Variants in ASAP1 observed in about 807,000 individuals in gnomAD.
The protein encoded by ASAP1 is arf-GAP with SH3 domain, ANK repeat and PH domain-containing protein 1.
A neutral mutation model predicts 145.2 loss-of-function variants in ASAP1; 43 were observed. The observed-to-expected ratio is 0.30, with a 90% CI of 0.23 to 0.38. The LOEUF is 0.38. ASAP1 is among the 10% of genes least tolerant of loss of function. The pLI, the probability that ASAP1 is intolerant of heterozygous loss-of-function variation, is 1.00. For missense variants in ASAP1, 1,018 were observed against 1,355.3 expected (o/e 0.75, Z 3.91); for synonymous variants, 546 against 515.5 (o/e 1.06, Z -0.80).
chr8:130,133,483 C>T (rs573365847), intron 15 of ASAP1, among the ~76,000 whole-genome samples: 3 of 151,054 alleles, frequency 2.0e-5, no homozygotes, highest in Non-Finnish European at 4.4e-5. Flanking sequence ...GGTGAAACCC[C>T]GTCTCTACTA....
chr8:130,059,334 ATT>A (rs2097412334), intron 28 of ASAP1, among the ~76,000 whole-genome samples: 1 of 151,920 alleles, frequency 6.6e-6, no homozygotes, highest in African/African-American at 2.4e-5. Flanking sequence ...CAGCTAATTA[ATT>A]TTTATTTTTT....
At chr8:130,385,480 C>G (rs889406903) in intron 2 of ASAP1, among the ~76,000 whole-genome samples, 1 of 152,214 alleles carries the variant, frequency 6.6e-6, no homozygotes, top group African/African-American at 2.4e-5. Context: ...GCTAGAGATT[C>G]CTTTCCCAAT....
At chr8:130,280,655 C>A (rs1165391108) in intron 3 of ASAP1, among the ~76,000 whole-genome samples, 3 of 152,214 alleles carry the variant, frequency 2.0e-5, no homozygotes, top group Non-Finnish European at 4.4e-5. Context: ...TGCTCATCAG[C>A]GATTCTATTA....
At chr8:130,426,747 C>T (rs1829934049) in intron 1 of ASAP1, among the ~76,000 whole-genome samples, 1 of 152,204 alleles carries the variant, frequency 6.6e-6, no homozygotes, top group South Asian at 2.1e-4. Context: ...GTGTCACATT[C>T]TCAGGGAAAG....
chr8:130,092,485 GGT>G, intron 24 of ASAP1, among the ~76,000 whole-genome samples: 1 of 152,236 alleles, frequency 6.6e-6, no homozygotes, highest in African/African-American at 2.4e-5. Flanking sequence ...AAATTAGCCA[GGT>G]GTGGTGGTGT....
intron 2 of ASAP1, among the ~76,000 whole-genome samples, chr8:130,392,841 G>A (rs116581317): frequency 0.017 from 2,619 of 152,088 alleles, 73 homozygotes; most frequent in African/African-American, 0.057. Flanking sequence ...CAGTTGTCAC[G>A]GGAACTAACA....
At chr8:130,391,089 G>A (rs1044778395) in intron 2 of ASAP1, among the ~76,000 whole-genome samples, 1 of 152,106 alleles carries the variant, frequency 6.6e-6, no homozygotes, top group African/African-American at 2.4e-5. Context: ...ACAATGGAAT[G>A]TTATTTAGCC....
At chr8:130,123,247 GTTAAT>G (rs1382197704) in intron 18 of ASAP1, among the ~76,000 whole-genome samples, 1 of 152,116 alleles carries the variant, frequency 6.6e-6, no homozygotes, top group African/African-American at 2.4e-5. Context: ...GGTAAATATG[GTTAAT>G]TTGTTTTTCA....
intron 3 of ASAP1, among the ~76,000 whole-genome samples, chr8:130,314,092 A>G (rs755289799): frequency 9.2e-5 from 14 of 152,128 alleles, no homozygotes; most frequent in Non-Finnish European, 1.8e-4. Flanking sequence ...CGTCACCTTC[A>G]ATTTGGTCAG....
chr8:130,328,336 A>AATT (rs1824468442), intron 3 of ASAP1, among the ~76,000 whole-genome samples: 1 of 152,248 alleles, frequency 6.6e-6, no homozygotes, highest in South Asian at 2.1e-4. Flanking sequence ...AGTAGTCAAT[A>AATT]GTCTTAAAAG....
intron 25 of ASAP1, among the ~76,000 whole-genome samples, chr8:130,087,610 C>T (rs1415483903): frequency 6.6e-6 from 1 of 152,046 alleles, no homozygotes. Context: ...GGGAGTGATG[C>T]CAGTGCTGCT....
intron 26 of ASAP1, among the ~76,000 whole-genome samples, chr8:130,077,943 C>T (rs980987577): frequency 5.9e-5 from 9 of 151,794 alleles, no homozygotes; most frequent in Non-Finnish European, 1.0e-4. Context: ...ACAAACTTAA[C>T]GAGTTGCCAA....
chr8:130,121,916 G>A (rs1043847083), intron 18 of ASAP1, among the ~76,000 whole-genome samples: 12 of 149,616 alleles, frequency 8.0e-5, no homozygotes, highest in African/African-American at 2.9e-4. Flanking sequence ...TGACCTACAC[G>A]ATCTGGCTCC....
chr8:130,377,254 A>T (rs1345497893), intron 2 of ASAP1, among the ~76,000 whole-genome samples: 1 of 152,122 alleles, frequency 6.6e-6, no homozygotes, highest in East Asian at 1.9e-4. Context: ...GGAATAAAAG[A>T]CTACAAATTG....
At position 130,382,285 on chromosome 8, in the gene ASAP1, CAAAAAAA is replaced by C. The variant is rs35060121; in HGVS notation, c.59+19593_59+19599del. Among the ~76,000 whole-genome samples the C allele has an allele frequency of 1.5e-4, 11 of 73,506 alleles. No homozygotes were observed. The East Asian group carries it at 2.2e-3, about 15-fold the overall frequency. 48.2% of individuals were successfully genotyped at this position (73,506 alleles called of 152,430 possible). ...TGAGTGACAGAGCGAGATTCTGTCT[CAAAAAAA>C]AAAAAAAAAAAAAAAAAGAAATTAA... On this transcript the variant is annotated intron_variant, in intron 2 of 29. Transcript: ENST00000518721.
At chr8:130,189,135 C>A (rs1358554769) in intron 5 of ASAP1, among the ~76,000 whole-genome samples, 1 of 152,106 alleles carries the variant, frequency 6.6e-6, no homozygotes, top group Non-Finnish European at 1.5e-5. Flanking sequence ...GGGTTTCCAT[C>A]ACCTCAAGCA....
chr8:130,329,764 C>T (rs553572091), intron 3 of ASAP1, among the ~76,000 whole-genome samples: 1 of 152,206 alleles, frequency 6.6e-6, no homozygotes, highest in East Asian at 1.9e-4. Flanking sequence ...ATGTTTTGAC[C>T]ACTTATGACG....
chr8:130,234,598 C>G (rs1229055160), intron 4 of ASAP1, among the ~76,000 whole-genome samples: 1 of 152,134 alleles, frequency 6.6e-6, no homozygotes, highest in African/African-American at 2.4e-5. Flanking sequence ...GCATATCCCC[C>G]AGTAGAGGAG....
At chr8:130,152,465 AC>A in intron 13 of ASAP1, 1 of 264,954 alleles carries the variant, frequency 3.8e-6, no homozygotes. Context: ...GTTTTTCAGA[AC>A]AATCAATATT....
Sources: allele counts gnomAD v4.1 joint callset (sites outside exome capture counted in the v4.1 genomes callset), GRCh38; gene constraint gnomAD v4.1.1; transcripts MANE v1.5; gene names NCBI Gene and HGNC (gene_info 2026-07-23, HGNC 2026-07-21).